The following SNTG1 variants were observed in gnomAD, a reference collection of about 807,000 sequenced individuals.
SNTG1 encodes gamma-1-syntrophin.
In SNTG1, 39 loss-of-function variants were observed where a neutral mutation model predicts 74.7. The ratio of observed to expected loss-of-function variants is 0.52; its 90% CI spans 0.40 to 0.68. The LOEUF (loss-of-function observed/expected upper bound fraction) is 0.68. Ranked by LOEUF, SNTG1 falls within the 30% of genes least tolerant of loss-of-function variation. The pLI, the probability that SNTG1 is intolerant of heterozygous loss-of-function variation, is 0.00. For synonymous variants in SNTG1, 254 were observed against 217.1 expected (o/e 1.17, Z -1.49); for missense variants, 685 against 609.5 (o/e 1.12, Z -1.30).
chr8:50,363,883 AAC>A (rs1349787766), intron 2 of SNTG1, among the ~76,000 whole-genome samples: 1 of 152,098 alleles, frequency 6.6e-6, no homozygotes, highest in African/African-American at 2.4e-5. Context: ...GACTCAGAAA[AAC>A]AGTTTACCTA....
intron 2 of SNTG1, among the ~76,000 whole-genome samples, chr8:50,227,754 A>C (rs1465112333): frequency 1.3e-5 from 2 of 152,014 alleles, no homozygotes; most frequent in African/African-American, 4.8e-5. Flanking sequence ...ATAAGAAAAA[A>C]AAAAGGAAAC....
chr8:50,263,548 C>A (rs2087304280), intron 2 of SNTG1, among the ~76,000 whole-genome samples: 1 of 151,944 alleles, frequency 6.6e-6, no homozygotes, highest in African/African-American at 2.4e-5. Flanking sequence ...AAATGATGAT[C>A]TTAAGATAGC....
chr8:50,672,672 C>G (rs1367113685), intron 15 of SNTG1, among the ~76,000 whole-genome samples: 1 of 152,156 alleles, frequency 6.6e-6, no homozygotes, highest in Non-Finnish European at 1.5e-5. Flanking sequence ...TTTTGCTGTG[C>G]AGAAGCTCTT....
At chr8:50,714,319 G>T (rs2095470045) in intron 17 of SNTG1, among the ~76,000 whole-genome samples, 1 of 151,864 alleles carries the variant, frequency 6.6e-6, no homozygotes, top group Admixed American at 6.6e-5. Flanking sequence ...GGCTATATGG[G>T]CTCTTTTTTG....
rs868167188 is a variant in SNTG1 at position 50,381,590 on chromosome 8, G to A, written c.-27-12622G>A. On this transcript the variant is annotated intron_variant, in intron 2 of 18. Transcript: ENST00000642720. ...TGTGTGTGTGTGTGTGTGTGTGTGT[G>A]TGTATATATATATATATCTCCTATT... 5.8e-3 allele frequency among the ~76,000 whole-genome samples: 768 copies of A among 132,052 alleles called. 9 individuals carry two copies. The highest frequency in any genetic ancestry group is 0.02 in the African/African-American group (723 of 36,432). The allele number at this position is 132,052 out of a possible 152,430, so 86.6% of individuals were successfully genotyped here.
intron 1 of SNTG1, among the ~76,000 whole-genome samples, chr8:50,075,608 G>GCAACA (rs1821792289): frequency 6.6e-6 from 1 of 152,220 alleles, no homozygotes. Context: ...GCCAGCAGTG[G>GCAACA]CAACACGTTG....
At chr8:50,588,897 G>A (rs1043490737) in intron 12 of SNTG1, among the ~76,000 whole-genome samples, 2 of 151,862 alleles carry the variant, frequency 1.3e-5, no homozygotes, top group African/African-American at 4.8e-5. Context: ...AATTTCTAAA[G>A]GCCATTTTCA....
rs576240645 is a variant in SNTG1, at chr8:50,559,881, A to G, written c.810+6702A>G. 1.6e-4 allele frequency among the ~76,000 whole-genome samples: 25 copies of G among 152,318 alleles called. No individual in the cohort carries two copies. In the East Asian group the frequency reaches 3.9e-3, roughly 24 times the overall value. On this transcript the variant is annotated intron_variant, in intron 12 of 18. Coordinates refer to ENST00000642720, the MANE Select transcript of SNTG1 (RefSeq NM_018967.5). Reference sequence around the variant, plus strand: ...AAGCAAAAATTGACAAATGCAATCTAATTAAACTAAAGAGTTTCTGCACAG... The same window carrying G: ...AAGCAAAAATTGACAAATGCAATCTGATTAAACTAAAGAGTTTCTGCACAG...
intron 12 of SNTG1, among the ~76,000 whole-genome samples, chr8:50,566,067 T>C (rs2094515394): frequency 6.6e-6 from 1 of 151,996 alleles, no homozygotes; most frequent in South Asian, 2.1e-4. Flanking sequence ...GATAGGTCTT[T>C]AATTTTATAT....
At chr8:50,133,869 A>T (rs113161992) in intron 1 of SNTG1, among the ~76,000 whole-genome samples, 2 of 152,204 alleles carry the variant, frequency 1.3e-5, no homozygotes, top group African/African-American at 4.8e-5. Flanking sequence ...TAAAACTTCA[A>T]TATGTCTTTT....
At chr8:50,051,152 G>A (rs933460133) in intron 1 of SNTG1, among the ~76,000 whole-genome samples, 2 of 150,228 alleles carry the variant, frequency 1.3e-5, no homozygotes, top group African/African-American at 2.5e-5. Flanking sequence ...AGGTTAGTAC[G>A]GCAAGAAAAA....
At chr8:50,185,241 T>C (rs2083337385) in intron 2 of SNTG1, among the ~76,000 whole-genome samples, 1 of 152,318 alleles carries the variant, frequency 6.6e-6, no homozygotes, top group African/African-American at 2.4e-5. Flanking sequence ...TGAGATCTGA[T>C]GGTTTTATAA....
intron 8 of SNTG1, among the ~76,000 whole-genome samples, chr8:50,479,676 C>A (rs2093724458): frequency 6.6e-6 from 1 of 152,016 alleles, no homozygotes; most frequent in South Asian, 2.1e-4. Context: ...AGCCTTTGGT[C>A]TAGCACAGGG....
chr8:50,567,068 T>C (rs190384463), intron 12 of SNTG1, among the ~76,000 whole-genome samples: 2 of 152,204 alleles, frequency 1.3e-5, no homozygotes, highest in East Asian at 3.9e-4. Context: ...GATGGAATAA[T>C]AGTCTTTGGG....
chr8:50,422,251 T>C (rs2093098307), intron 4 of SNTG1, among the ~76,000 whole-genome samples: 1 of 3,330 alleles, frequency 3.0e-4, no homozygotes. Context: ...GATCTATCTA[T>C]CTATCTATCT....
rs1403751148 is a variant in SNTG1 at position 50,738,799 on chromosome 8, AAAAGC to A, written c.1285-13199_1285-13195del. ...TCTTCCACAAACCTGACAAAAAAAA[AAAAGC>A]AATGGGGAAAGGATTCCCTATTTAA... is the stretch of plus-strand genomic sequence containing the variant. On this transcript the variant is annotated intron_variant, in intron 17 of 18. Coordinates refer to ENST00000642720, the MANE Select transcript of SNTG1 (RefSeq NM_018967.5). Among the ~76,000 whole-genome samples, 4 of 152,136 alleles carry A rather than the reference AAAAGC, an allele frequency of 2.6e-5. 1 individual carries two copies. The highest frequency in any genetic ancestry group is 9.6e-5 in the African/African-American group (4 of 41,552).
chr8:50,268,419 T>A (rs532813819), intron 2 of SNTG1, among the ~76,000 whole-genome samples: 1 of 152,256 alleles, frequency 6.6e-6, no homozygotes, highest in African/African-American at 2.4e-5. Context: ...ACATATTTTT[T>A]AAATAGACAT....
chr8:50,739,292 G>A (rs1418434052), intron 17 of SNTG1, among the ~76,000 whole-genome samples: 1 of 151,964 alleles, frequency 6.6e-6, no homozygotes, highest in Non-Finnish European at 1.5e-5. Context: ...CATTTATATA[G>A]CCAACAAGCA....
At chr8:50,249,240 C>T (rs960233736) in intron 2 of SNTG1, among the ~76,000 whole-genome samples, 1 of 152,142 alleles carries the variant, frequency 6.6e-6, no homozygotes, top group Admixed American at 6.5e-5. Context: ...CAGTTGCAAC[C>T]CATCCCCAGG....
Sources: allele counts gnomAD v4.1 joint callset (sites outside exome capture counted in the v4.1 genomes callset), GRCh38; gene constraint gnomAD v4.1.1; transcripts MANE v1.5; gene names NCBI Gene and HGNC (gene_info 2026-07-23, HGNC 2026-07-21).